The following CCDC13 variants were observed in gnomAD, a reference collection of about 807,000 sequenced individuals.
CCDC13 encodes the protein coiled-coil domain containing 13, also known as coiled-coil domain-containing protein 13.
A neutral mutation model predicts 87.3 loss-of-function variants in CCDC13; 70 were observed. That is an observed-to-expected ratio of 0.80 (90% CI 0.66 to 0.98). The LOEUF (loss-of-function observed/expected upper bound fraction) is 0.98. CCDC13 is among the 50% of genes least tolerant of loss of function. The pLI, the probability that CCDC13 is intolerant of heterozygous loss-of-function variation, is 0.00. For missense variants in CCDC13, 842 were observed against 892.0 expected, an observed-to-expected ratio of 0.94 and a Z score of 0.71; for synonymous variants, 317 against 360.3, an observed-to-expected ratio of 0.88 and a Z score of 1.36.
At chr3:42,719,741 T>C (rs1406282840) in intron 13 of CCDC13, among the ~76,000 whole-genome samples, 1 of 152,232 alleles carries the variant, frequency 6.6e-6, no homozygotes, top group African/African-American at 2.4e-5. Flanking sequence ...CCATGCTTTC[T>C]CTTTTCACAA....
downstream of CCDC13, chr3:42,705,092 A>G (rs1438303383): frequency 1.3e-5 from 2 of 152,232 alleles, no homozygotes; most frequent in East Asian, 1.9e-4. Flanking sequence ...GTGTGTGCAC[A>G]TGTATCGTAC....
At position 42,711,655 on chromosome 3, in the gene CCDC13, T is replaced by C. The variant is rs564750376; in HGVS notation, c.1873+1507A>G. On this transcript the variant is annotated intron_variant, in intron 14 of 15. Coordinates refer to ENST00000310232, the MANE Select transcript of CCDC13 (RefSeq NM_144719.4). ...GCCACATCCCCTCCCAGTTCCTCCA[T>C]CTCTGCTCAGATGTCTAGCTCCCCT... Among the ~76,000 whole-genome samples the C allele has an allele frequency of 1.2e-4, 18 of 152,290 alleles. No homozygotes were observed. The South Asian group carries it at 3.7e-3, about 32-fold the overall frequency.
Position 42,747,364 on chromosome 3 carries a change from G to C in CCDC13, c.613C>G (p.Pro205Ala). Residue 205 changes from proline (P) to alanine (A), a missense_variant, in exon 6 of 16, where the codon CCA becomes GCA. By Grantham distance (27) the Pro-to-Ala change is conservative. Coordinates refer to ENST00000310232, the MANE Select transcript of CCDC13 (RefSeq NM_144719.4). The stretch of plus-strand genomic sequence containing the variant: ...CTGTCCTGCAGGGCCTTCACCTCTG[G>C]GGTCTCCAGCTGGTTGGGAAGGACA... ...QMGDRALLET[P>A]EVKALQDRLV... 1 of 1,613,166 alleles carries C rather than the reference G, an allele frequency of 6.2e-7. No homozygotes were observed.
chr3:42,752,042 C>T lies in CCDC13; in HGVS notation c.514-17G>A, dbSNP rs768277683. The T allele has an allele frequency of 1.9e-6, 3 of 1,598,674 alleles. No individual in the cohort carries two copies. The highest frequency in any genetic ancestry group is 1.1e-5 in the South Asian group (1 of 91,006). On this transcript the variant is annotated splice_polypyrimidine_tract_variant and intron_variant, in intron 4 of 15. Coordinates refer to ENST00000310232, the MANE Select transcript of CCDC13 (RefSeq NM_144719.4). ...TGTCTGCAGCTGAAAAAGCAAACCTCGTGCTTAATACTCTGCTCAGCGATT... is the reference window on the plus strand; with the variant it reads ...TGTCTGCAGCTGAAAAAGCAAACCTTGTGCTTAATACTCTGCTCAGCGATT...
At chr3:42,721,564 C>A (rs1208452909) in intron 13 of CCDC13, among the ~76,000 whole-genome samples, 1 of 152,186 alleles carries the variant, frequency 6.6e-6, no homozygotes, top group Non-Finnish European at 1.5e-5. Context: ...CAGCTTTTAA[C>A]AATTGAGTAA....
chr3:42,744,044 G>A (rs1291613173), intron 7 of CCDC13, among the ~76,000 whole-genome samples: 1 of 152,194 alleles, frequency 6.6e-6, no homozygotes, highest in African/African-American at 2.4e-5. Context: ...GGAATCCTCT[G>A]AGGTTCTTCT....
intron 1 of CCDC13, chr3:42,770,516 T>C (rs1050916659): frequency 2.0e-5 from 3 of 152,180 alleles, no homozygotes; most frequent in Non-Finnish European, 4.4e-5. Flanking sequence ...AACAGACCAA[T>C]GGGCTCTCTG....
At chr3:42,747,205 C>T (rs1699431591) in intron 6 of CCDC13, 52 bp downstream of exon 6, 1 of 1,412,548 alleles carries the variant, frequency 7.1e-7, no homozygotes, top group Non-Finnish European at 1.0e-6. Flanking sequence ...CGTGCTCTTC[C>T]CAAGTCCAGC....
chr3:42,722,161 G>A (rs960676418), intron 13 of CCDC13, among the ~76,000 whole-genome samples: 9 of 152,100 alleles, frequency 5.9e-5, no homozygotes, highest in Admixed American at 1.3e-4. Flanking sequence ...ATCACCTTTT[G>A]TTGGACTCAA....
chr3:42,709,110 A>G lies in CCDC13; in HGVS notation c.2018T>C (p.Met673Thr). The G allele has an allele frequency of 6.2e-7, 1 of 1,612,640 alleles. No homozygotes were observed. Among genetic ancestry groups the G allele is most frequent in the Non-Finnish European group, 8.5e-7 (1 of 1,179,202 alleles). Reference sequence around the variant, plus strand: ...GGCACTGCCCAGGGCAGCCTTTAGCATTTCATTCTCCTCCACCTGGATGGC... The same window carrying G: ...GGCACTGCCCAGGGCAGCCTTTAGCGTTTCATTCTCCTCCACCTGGATGGC... ...RLAIQVEENE[M>T]LKAALGSALR... Residue 673 changes from methionine to threonine, a missense_variant, in exon 16 of 16, where the codon ATG becomes ACG. Coordinates refer to ENST00000310232, the MANE Select transcript of CCDC13 (RefSeq NM_144719.4).
chr3:42,733,121 C>T, intron 11 of CCDC13, 151 bp from the exon 12 acceptor site: 1 of 672,584 alleles, frequency 1.5e-6, no homozygotes, highest in Non-Finnish European at 2.5e-6. Context: ...CTTTCCAGAA[C>T]TCTTGTTTGC....
At chr3:42,756,701 AGCCAGTGCACCAAGGAGAAATGGATCCT>A (rs1430342303) in intron 3 of CCDC13, among the ~76,000 whole-genome samples, 2 of 151,662 alleles carry the variant, frequency 1.3e-5, no homozygotes, top group Non-Finnish European at 2.9e-5. Context: ...ATAACATGTG[AGCCAGTGCACCAAGGAGAAATGGATCCT>A]GCCAGCCCCT....
At chr3:42,728,599 A>C (rs1304522736) in intron 13 of CCDC13, among the ~76,000 whole-genome samples, 4 of 152,220 alleles carry the variant, frequency 2.6e-5, no homozygotes, top group Admixed American at 2.6e-4. Context: ...TGATTGGCCA[A>C]TTTAGTTATA....
At chr3:42,726,238 C>T (rs931686581) in intron 13 of CCDC13, among the ~76,000 whole-genome samples, 1 of 152,102 alleles carries the variant, frequency 6.6e-6, no homozygotes, top group Non-Finnish European at 1.5e-5. Context: ...GATGGGGTTT[C>T]ACCACGTTGG....
In CCDC13 at chr3:42,709,116, T is replaced by C; in HGVS notation, c.2012A>G (p.Asn671Ser). Residue 671 changes from asparagine (N) to serine (S), a missense_variant, in exon 16 of 16, where the codon AAT becomes AGT. Coordinates refer to ENST00000310232, the MANE Select transcript of CCDC13 (RefSeq NM_144719.4). ...TTRLAIQVEE[N>S]EMLKAALGSA... ...GCCCAGGGCAGCCTTTAGCATTTCA[T>C]TCTCCTCCACCTGGATGGCCAGCCT... is the stretch of plus-strand genomic sequence containing the variant. 1 of 1,612,692 alleles carries C rather than the reference T, an allele frequency of 6.2e-7. No homozygotes were observed. Among genetic ancestry groups the C allele is most frequent in the East Asian group, 2.2e-5 (1 of 44,806 alleles).
intron 13 of CCDC13, among the ~76,000 whole-genome samples, chr3:42,729,846 G>A (rs896461271): frequency 6.6e-6 from 1 of 152,226 alleles, no homozygotes; most frequent in Admixed American, 6.5e-5. Flanking sequence ...GAAACTCAGT[G>A]GTGTGCTTAA....
chr3:42,748,691 A>G (rs1247925873), intron 5 of CCDC13, among the ~76,000 whole-genome samples: 2 of 152,200 alleles, frequency 1.3e-5, no homozygotes, highest in Non-Finnish European at 2.9e-5. Flanking sequence ...GGCCTCATCC[A>G]GTGTCCTCAT....
At position 42,708,889 on chromosome 3, in the gene CCDC13, C is replaced by T; in HGVS notation, c.*91G>A. ...GGTTGAGCTGGCTGCCCTGGGCTGG[C>T]TTCCCGGAGCAGATGGAGTCCTCAG... On this transcript the variant is annotated 3_prime_UTR_variant, in exon 16 of 16. Coordinates refer to ENST00000310232, the MANE Select transcript of CCDC13 (RefSeq NM_144719.4). 1 of 1,394,508 alleles carries T rather than the reference C, an allele frequency of 7.2e-7. No individual in the cohort carries two copies. Among genetic ancestry groups the T allele is most frequent in the Non-Finnish European group, 9.5e-7 (1 of 1,049,602 alleles). 86.4% of individuals were successfully genotyped at this position (1,394,508 alleles called of 1,614,324 possible). A position where few individuals can be genotyped will look rare whatever the true frequency, so the allele number is the denominator to read the frequency against.
At chr3:42,751,912 C>T in intron 5 of CCDC13, 24 bp downstream of exon 5, 1 of 1,606,452 alleles carries the variant, frequency 6.2e-7, no homozygotes, top group Non-Finnish European at 8.5e-7. Flanking sequence ...TCACAGACTT[C>T]CCAGCACAGA....
Sources: allele counts gnomAD v4.1 joint callset (sites outside exome capture counted in the v4.1 genomes callset), GRCh38; gene constraint gnomAD v4.1.1; transcripts MANE v1.5; gene names NCBI Gene and HGNC (gene_info 2026-07-23, HGNC 2026-07-21).